Variants in SEMA5A observed in about 807,000 individuals in gnomAD.
SEMA5A encodes the protein semaphorin-5A.
A neutral mutation model predicts 135.5 loss-of-function variants in SEMA5A; 55 were observed. That is an observed-to-expected ratio of 0.41 (90% CI 0.33 to 0.51). The LOEUF (loss-of-function observed/expected upper bound fraction) is 0.51, where lower values mean the gene tolerates loss of function less well. SEMA5A is among the 20% of genes least tolerant of loss of function. The pLI is 0.37. For synonymous variants in SEMA5A, 580 were observed against 546.5 expected (o/e 1.06, Z -0.85); for missense variants, 1,290 against 1,419.9 (o/e 0.91, Z 1.47).
chr5:9,543,781 A>T (rs1453073629), intron 1 of SEMA5A, among the ~76,000 whole-genome samples: 1 of 152,126 alleles, frequency 6.6e-6, no homozygotes, highest in African/African-American at 2.4e-5. Flanking sequence ...TCAAGGGAAA[A>T]AACATCTGTG....
At chr5:9,539,557 T>C (rs1737964512) in intron 1 of SEMA5A, among the ~76,000 whole-genome samples, 1 of 152,228 alleles carries the variant, frequency 6.6e-6, no homozygotes, top group South Asian at 2.1e-4. Flanking sequence ...CTGTTTTAAA[T>C]GAGAACATCC....
intron 13 of SEMA5A, among the ~76,000 whole-genome samples, chr5:9,130,929 T>C (rs190326028): frequency 1.4e-4 from 21 of 152,290 alleles, no homozygotes; most frequent in African/African-American, 4.8e-4. Context: ...CCTTAGACTA[T>C]AGTCTATGGT....
chr5:9,420,885 G>A (rs771933755), intron 2 of SEMA5A, among the ~76,000 whole-genome samples: 24 of 152,286 alleles, frequency 1.6e-4, no homozygotes, highest in Middle Eastern at 3.4e-3. Context: ...GCATGGTGGC[G>A]TGCACCTGTA....
At chr5:9,205,375 G>A (rs571115681) in intron 8 of SEMA5A, among the ~76,000 whole-genome samples, 27 of 152,226 alleles carry the variant, frequency 1.8e-4, no homozygotes, top group South Asian at 1.2e-3. Context: ...TATTAAACAA[G>A]AACATTGTTG....
intron 13 of SEMA5A, among the ~76,000 whole-genome samples, chr5:9,124,839 G>A (rs980056941): frequency 3.3e-5 from 5 of 152,112 alleles, no homozygotes; most frequent in Non-Finnish European, 5.9e-5. Flanking sequence ...TGAGTGAACC[G>A]CATGCTTTCA....
At chr5:9,121,976 A>G (rs1232494426) in intron 14 of SEMA5A, among the ~76,000 whole-genome samples, 1 of 152,240 alleles carries the variant, frequency 6.6e-6, no homozygotes, top group African/African-American at 2.4e-5. Context: ...TGTTTAAAAA[A>G]TACTGCAAAT....
intron 4 of SEMA5A, among the ~76,000 whole-genome samples, chr5:9,330,453 G>GTT (rs200229375): frequency 6.8e-6 from 1 of 147,376 alleles, no homozygotes; most frequent in Admixed American, 6.7e-5. Flanking sequence ...GTTTTGTTTT[G>GTT]TTTTTTTACA....
At chr5:9,266,402 C>T (rs1749685282) in intron 5 of SEMA5A, among the ~76,000 whole-genome samples, 1 of 152,030 alleles carries the variant, frequency 6.6e-6, no homozygotes, top group African/African-American at 2.4e-5. Flanking sequence ...TCCTGTTATT[C>T]GTGACAATCT....
chr5:9,471,634 G>T (rs1351406347), intron 1 of SEMA5A, among the ~76,000 whole-genome samples: 1 of 152,188 alleles, frequency 6.6e-6, no homozygotes, highest in African/African-American at 2.4e-5. Flanking sequence ...CAGTAGCAAA[G>T]AGAGTTTTTA....
At chr5:9,108,042 T>C (rs1740016497) in intron 16 of SEMA5A, 98 bp downstream of exon 16, 3 of 1,426,834 alleles carry the variant, frequency 2.1e-6, no homozygotes, top group Non-Finnish European at 2.8e-6. Context: ...ACATTTATTG[T>C]TTGCAGAACA....
intron 5 of SEMA5A, among the ~76,000 whole-genome samples, chr5:9,312,000 C>G (rs1438917372): frequency 6.6e-6 from 1 of 152,026 alleles, no homozygotes. Context: ...GGAGCTATTT[C>G]CCAAAAGAAT....
chr5:9,170,631 T>C (rs1405258270), intron 11 of SEMA5A, among the ~76,000 whole-genome samples: 1 of 152,002 alleles, frequency 6.6e-6, no homozygotes, highest in Non-Finnish European at 1.5e-5. Context: ...AGCCCTGCCT[T>C]GTCTCTTTCC....
chr5:9,050,371 C>A, intron 21 of SEMA5A, 39 bp downstream of exon 21: 2 of 1,541,764 alleles, frequency 1.3e-6, no homozygotes, highest in African/African-American at 1.4e-5. Flanking sequence ...TAGAATATAT[C>A]AGTACATCCA....
Position 9,432,361 on chromosome 5 carries a change from T to TA in SEMA5A, c.-78+5394dup, listed in dbSNP as rs1228962178. On this transcript the variant is annotated intron_variant, in intron 2 of 22. Transcript: ENST00000382496. ...AAGTGTGTACCTTGTATCAACAATA[T>TA]ACATAGAGATGCCCTGAAAATATCA... is the stretch of plus-strand genomic sequence containing the variant. Among the ~76,000 whole-genome samples the TA allele has an allele frequency of 6.6e-5, 10 of 152,320 alleles. No homozygotes were observed. The East Asian group carries it at 1.9e-3, about 29-fold the overall frequency.
chr5:9,263,016 C>T (rs1438312297), intron 5 of SEMA5A, among the ~76,000 whole-genome samples: 5 of 144,034 alleles, frequency 3.5e-5, no homozygotes, highest in African/African-American at 1.3e-4. Flanking sequence ...AATGATTTGG[C>T]AAGCTAAATC....
At position 9,270,859 on chromosome 5, in the gene SEMA5A, C is replaced by G. The variant is rs370519909; in HGVS notation, c.271-32969G>C. Among the ~76,000 whole-genome samples the G allele has an allele frequency of 9.9e-5, 15 of 152,204 alleles. 1 individual carries two copies. The South Asian group carries it at 1.5e-3, about 15-fold the overall frequency. ...ACTTCTCCAATGTACATCAGAGTAGCAAACTACAGCCTGTGGGTCAAATCC... is the reference window on the plus strand; with the variant it reads ...ACTTCTCCAATGTACATCAGAGTAGGAAACTACAGCCTGTGGGTCAAATCC... On this transcript the variant is annotated intron_variant, in intron 5 of 22. Transcript: ENST00000382496.
intron 11 of SEMA5A, 105 bp from the exon 12 acceptor site, chr5:9,154,800 G>T: frequency 9.9e-7 from 1 of 1,010,152 alleles, no homozygotes; most frequent in Non-Finnish European, 1.5e-6. Context: ...TCTTCAGCCA[G>T]GAAAGCCATC....
intron 3 of SEMA5A, 64 bp from the exon 4 acceptor site, chr5:9,337,876 G>A (rs1753464826): frequency 9.0e-7 from 1 of 1,114,956 alleles, no homozygotes; most frequent in Non-Finnish European, 1.3e-6. Flanking sequence ...GGGGACCACA[G>A]ATAGTGCACA....
chr5:9,522,380 C>T (rs924143079), intron 1 of SEMA5A, among the ~76,000 whole-genome samples: 11 of 152,116 alleles, frequency 7.2e-5, no homozygotes, highest in East Asian at 1.9e-4. Flanking sequence ...GTCAGGAGTC[C>T]GAGAACAGCC....
Sources: allele counts gnomAD v4.1 joint callset (sites outside exome capture counted in the v4.1 genomes callset), GRCh38; gene constraint gnomAD v4.1.1; transcripts MANE v1.5; gene names NCBI Gene and HGNC (gene_info 2026-07-23, HGNC 2026-07-21).